The following GPHN variants were observed in gnomAD, a reference collection of about 807,000 sequenced individuals.
GPHN encodes gephyrin.
In GPHN, 17 loss-of-function variants were observed where a neutral mutation model predicts 95.5. That is an observed-to-expected ratio of 0.18 (90% CI 0.12 to 0.27). GPHN has a LOEUF of 0.27. Among genes scored for constraint, GPHN ranks in the 10% least tolerant of loss-of-function variants. The pLI is 1.00. For missense variants in GPHN, 660 were observed against 978.1 expected, an observed-to-expected ratio of 0.67 and a Z score of 4.34; for synonymous variants, 320 against 322.5, an observed-to-expected ratio of 0.99 and a Z score of 0.08.
intron 9 of GPHN, among the ~76,000 whole-genome samples, chr14:67,005,496 C>T (rs2072539432): frequency 6.6e-6 from 1 of 151,848 alleles, no homozygotes; most frequent in Non-Finnish European, 1.5e-5. Context: ...ATGGTGATGT[C>T]TTTTCCATTA....
At chr14:66,557,758 G>A (rs1266899771) in intron 1 of GPHN, among the ~76,000 whole-genome samples, 1 of 152,020 alleles carries the variant, frequency 6.6e-6, no homozygotes, top group East Asian at 1.9e-4. Context: ...AAACAAGGCT[G>A]CCATCAGAAA....
intron 9 of GPHN, among the ~76,000 whole-genome samples, chr14:66,978,028 T>G (rs1218887447): frequency 6.6e-6 from 1 of 152,262 alleles, no homozygotes; most frequent in East Asian, 1.9e-4. Context: ...GTAAAAATTA[T>G]GTTTATACTC....
chr14:66,905,332 G>A (rs150203072), intron 5 of GPHN, among the ~76,000 whole-genome samples: 241 of 152,070 alleles, frequency 1.6e-3, no homozygotes, highest in Non-Finnish European at 2.7e-3. Context: ...TTGCTTTTCT[G>A]TGTTACCTTG....
chr14:67,471,059 G>T, the GPHN span: 1 of 152,292 alleles, frequency 6.6e-6, no homozygotes, highest in South Asian at 2.1e-4. Flanking sequence ...TTTGCTGGAG[G>T]TTTGATGCCT....
chr14:67,497,079 A>G, the GPHN span, among the ~76,000 whole-genome samples: 1,965 of 151,232 alleles, frequency 0.013, 21 homozygotes, highest in Non-Finnish European at 0.021. Flanking sequence ...GGCCTGAGCC[A>G]CCGTGCCTTT....
intron 4 of GPHN, among the ~76,000 whole-genome samples, chr14:66,848,892 G>T (rs2062454303): frequency 1.3e-5 from 2 of 151,856 alleles, no homozygotes; most frequent in South Asian, 4.1e-4. Context: ...GCCCAACTGG[G>T]AGCACACCAT....
At chr14:66,798,356 C>T (rs1395111373) in intron 3 of GPHN, among the ~76,000 whole-genome samples, 3 of 151,840 alleles carry the variant, frequency 2.0e-5, no homozygotes, top group African/African-American at 7.2e-5. Flanking sequence ...AGTATTCCCT[C>T]GTCTATTTTT....
chr14:67,436,080 AC>A, the GPHN span, among the ~76,000 whole-genome samples: 1 of 152,212 alleles, frequency 6.6e-6, no homozygotes, highest in South Asian at 2.1e-4. Context: ...CAGAAATGCC[AC>A]CGTAGCTCTA....
the GPHN span, among the ~76,000 whole-genome samples, chr14:67,503,073 C>T: frequency 4.6e-5 from 7 of 152,212 alleles, no homozygotes; most frequent in African/African-American, 9.6e-5. Context: ...GATAACCGCA[C>T]GCTAACAAGC....
chr14:67,311,170 G>A, the GPHN span, among the ~76,000 whole-genome samples: 8 of 152,206 alleles, frequency 5.3e-5, no homozygotes, highest in South Asian at 4.1e-4. Flanking sequence ...AATTAGCTGG[G>A]CGTTGTGGTG....
the GPHN span, among the ~76,000 whole-genome samples, chr14:67,281,526 T>G: frequency 6.6e-6 from 1 of 152,102 alleles, no homozygotes; most frequent in Admixed American, 6.5e-5. Context: ...ATTTATTTAT[T>G]AAAATATTCT....
chr14:67,727,328 G>C, the GPHN span: 1 of 763,434 alleles, frequency 1.3e-6, no homozygotes, highest in Non-Finnish European at 2.2e-6. Flanking sequence ...AATTATGAAT[G>C]GAATAAAAAC....
At chr14:67,497,187 T>G in the GPHN span, among the ~76,000 whole-genome samples, 280 of 152,198 alleles carry the variant, frequency 1.8e-3, 2 homozygotes, top group African/African-American at 6.4e-3. Flanking sequence ...GTGTATATGC[T>G]GCGGGCACAC....
At chr14:66,879,327 C>T (rs1170297899) in intron 4 of GPHN, among the ~76,000 whole-genome samples, 2 of 143,728 alleles carry the variant, frequency 1.4e-5, no homozygotes, top group African/African-American at 2.6e-5. Flanking sequence ...ACGTTCTGCA[C>T]ATGTACCCCA....
At chr14:66,610,396 T>G (rs912119253) in intron 1 of GPHN, among the ~76,000 whole-genome samples, 1 of 152,106 alleles carries the variant, frequency 6.6e-6, no homozygotes, top group African/African-American at 2.4e-5. Context: ...TTTCCCAGTT[T>G]CCTCTCTCTT....
intron 1 of GPHN, among the ~76,000 whole-genome samples, chr14:66,653,928 T>C (rs2065180463): frequency 6.6e-6 from 1 of 152,172 alleles, no homozygotes; most frequent in Admixed American, 6.5e-5. Context: ...TTCTCTGGGA[T>C]AAATGTCCAG....
chr14:66,942,472 T>C (rs1051688268), intron 8 of GPHN, among the ~76,000 whole-genome samples: 4 of 152,232 alleles, frequency 2.6e-5, no homozygotes, highest in African/African-American at 9.6e-5. Context: ...ATAAACCATC[T>C]TTTGAAAAGG....
chr14:67,172,531 T>A (rs2082655857), intron 21 of GPHN, among the ~76,000 whole-genome samples: 1 of 151,994 alleles, frequency 6.6e-6, no homozygotes, highest in South Asian at 2.1e-4. Flanking sequence ...CAGCACATAG[T>A]CCCTAGGTGC....
chr14:66,881,033 T>C (rs1341054891), intron 5 of GPHN, among the ~76,000 whole-genome samples: 1 of 151,936 alleles, frequency 6.6e-6, no homozygotes, highest in Non-Finnish European at 1.5e-5. Context: ...GTAATATGAA[T>C]ATAAAATTAA....
Sources: gnomAD v4.1 joint callset for allele counts (sites outside exome capture counted in the v4.1 genomes callset) on GRCh38, gnomAD v4.1.1 for gene constraint, MANE v1.5 for transcripts, NCBI Gene and HGNC (gene_info 2026-07-23, HGNC 2026-07-21) for gene names.